The following PGLYRP1 variants were observed in gnomAD, a reference collection of about 807,000 sequenced individuals.
PGLYRP1 encodes the protein peptidoglycan recognition protein 1.
PGLYRP1 carries 18 observed loss-of-function variants against 16.3 expected under a neutral mutation model. The ratio of observed to expected loss-of-function variants is 1.11; its 90% confidence interval spans 0.77 to 1.64. The LOEUF (loss-of-function observed/expected upper bound fraction) is 1.64. PGLYRP1 is among the 40% of genes most tolerant of loss of function. The pLI is 0.00. For synonymous variants in PGLYRP1, 89 were observed against 105.7 expected, an observed-to-expected ratio of 0.84 and a Z score of 0.97; for missense variants, 261 against 268.6, an observed-to-expected ratio of 0.97 and a Z score of 0.20.
Position 46,019,389 on chromosome 19 carries a change from G to T in PGLYRP1, c.440C>A (p.Ala147Glu). 6.2e-7 allele frequency: 1 copy of T among 1,613,646 alleles called. No individual in the cohort carries two copies. Among genetic ancestry groups the T allele is most frequent in the South Asian group, 1.1e-5 (1 of 91,070 alleles). Residue 147 changes from alanine to glutamate, a missense_variant, in exon 3 of 3, where the codon GCA (alanine) becomes GAA (glutamate). Transcript: ENST00000008938. The surrounding 1 kb of genome is among the most constrained non-coding windows in gnomAD (Gnocchi z 4.8). ...ACCGCAGGCCAGTAGACCCTGGGCT[G>T]CCCGGATGGCCTGGGGTGTGGGCAC... ...DRVPTPQAIR[A>E]AQGLLACGVA...
At chr19:46,021,984 C>A (rs1446798339) in intron 1 of PGLYRP1, among the ~76,000 whole-genome samples, 1 of 152,214 alleles carries the variant, frequency 6.6e-6, no homozygotes, top group Non-Finnish European at 1.5e-5. Context: ...TTCCAAGGAG[C>A]CTGTGTGGGT....
At chr19:46,021,984 C>G (rs1446798339) in intron 1 of PGLYRP1, among the ~76,000 whole-genome samples, 1 of 152,214 alleles carries the variant, frequency 6.6e-6, no homozygotes, top group South Asian at 2.1e-4. Context: ...TTCCAAGGAG[C>G]CTGTGTGGGT....
In PGLYRP1 at chr19:46,022,911, G is replaced by T. The variant is rs201657564; in HGVS notation, c.111C>A (p.Asn37Lys). 1.5e-4 allele frequency: 240 copies of T among 1,612,404 alleles called. 1 individual carries two copies. In the East Asian group the frequency reaches 2.7e-3, roughly 18 times the overall value. The part of the protein sequence containing the change: ...PACCSPIVPR[N>K]EWKALASECA... ...ACTCTGATGCCAGGGCCTTCCACTC[G>T]TTCCGGGGCACTATGGGGCTGCAGC... is the stretch of plus-strand genomic sequence containing the variant. The change falls in exon 1 of 3, where the codon AAC (asparagine) becomes AAA (lysine). Residue 37 changes from asparagine (N) to lysine (K), a missense_variant. Transcript: ENST00000008938.
At position 46,020,105 on chromosome 19, in the gene PGLYRP1, C is replaced by CTTT. The variant is rs11477830; in HGVS notation, c.288-461_288-459dup. ...GCAGGACAGCCCTCTGAGGCAGAGACTTTTTTTTTTTTTTTTTTTTAAGAC... is the reference window on the plus strand; with the variant it reads ...GCAGGACAGCCCTCTGAGGCAGAGACTTTTTTTTTTTTTTTTTTTTTTTAAGAC... On this transcript the variant is annotated intron_variant, in intron 1 of 2. Coordinates refer to ENST00000008938, the MANE Select transcript of PGLYRP1 (RefSeq NM_005091.3). 6.3e-4 allele frequency among the ~76,000 whole-genome samples: 81 copies of CTTT among 127,790 alleles called. 2 individuals are homozygous for CTTT. Among genetic ancestry groups the CTTT allele is most frequent in the African/African-American group, 2.1e-3 (70 of 33,530 alleles). 83.8% of individuals were successfully genotyped at this position (127,790 alleles called of 152,430 possible).
At chr19:46,020,661 G>C (rs922561656) in intron 1 of PGLYRP1, among the ~76,000 whole-genome samples, 1 of 152,172 alleles carries the variant, frequency 6.6e-6, no homozygotes, top group South Asian at 2.1e-4. Context: ...GATCCTTAAG[G>C]CTGATTCATT....
chr19:46,021,336 T>G (rs1385185765), intron 1 of PGLYRP1: 1 of 152,260 alleles, frequency 6.6e-6, no homozygotes, highest in Non-Finnish European at 1.5e-5. Flanking sequence ...GGAATACCTT[T>G]GGACACTTCT....
intron 1 of PGLYRP1, among the ~76,000 whole-genome samples, chr19:46,022,186 T>G (rs773711934): frequency 2.0e-5 from 3 of 152,246 alleles, no homozygotes; most frequent in Non-Finnish European, 4.4e-5. Flanking sequence ...CTAATGGTAA[T>G]AGCCCGTGGC....
At chr19:46,021,627 CCGGCACCCCTTACAGT>C (rs2146497347) in intron 1 of PGLYRP1, among the ~76,000 whole-genome samples, 1 of 152,096 alleles carries the variant, frequency 6.6e-6, no homozygotes, top group African/African-American at 2.4e-5. Context: ...CCTGCTTCAG[CCGGCACCCCTTACAGT>C]CTGTTCTCCC....
chr19:46,019,908 A>G lies in PGLYRP1; in HGVS notation c.288-261T>C, dbSNP rs1235098259. On this transcript the variant is annotated intron_variant, in intron 1 of 2. Transcript: ENST00000008938. The surrounding 1 kb of genome is among the most constrained non-coding windows in gnomAD (Gnocchi z 4.8). ...TGTGAGTCACTATCACCCCCGTTTT[A>G]TATAGACAGAATCAGAGCGGTAGAA... Among the ~76,000 whole-genome samples the G allele has an allele frequency of 1.3e-5, 2 of 152,086 alleles. No individual in the cohort carries two copies. The highest frequency in any genetic ancestry group is 2.9e-5 in the Non-Finnish European group (2 of 68,008).
chr19:46,019,600 T>C lies in PGLYRP1; in HGVS notation c.335A>G (p.Asn112Ser). ...DGLVYEGRGWNFTGAHSGHLW... is the reference protein window; with the variant it reads ...DGLVYEGRGWSFTGAHSGHLW... ...GTGACCTGAGTGGGCACCCGTGAAGTTCCAGCCACGGCCCTCGTATACGAG... is the reference window on the plus strand; with the variant it reads ...GTGACCTGAGTGGGCACCCGTGAAGCTCCAGCCACGGCCCTCGTATACGAG... The change falls in exon 2 of 3, where the codon AAC becomes AGC. Residue 112 changes from asparagine to serine, a missense_variant. Transcript: ENST00000008938. This position sits in a 1 kb window ranked among gnomAD's most constrained non-coding sequence, Gnocchi z 4.8. 6.2e-7 allele frequency: 1 copy of C among 1,613,884 alleles called. No homozygotes were observed. The highest frequency in any genetic ancestry group is 8.5e-7 in the Non-Finnish European group (1 of 1,179,946).
intron 1 of PGLYRP1, among the ~76,000 whole-genome samples, chr19:46,020,130 C>T (rs1013505442): frequency 1.2e-4 from 16 of 136,670 alleles, no homozygotes; most frequent in South Asian, 6.9e-4. Flanking sequence ...TTTTTTAAGA[C>T]GGGGTTTCAC....
chr19:46,022,911 G>C lies in PGLYRP1; in HGVS notation c.111C>G (p.Asn37Lys). Reference protein sequence around the residue: ...PACCSPIVPRNEWKALASECA... With the variant: ...PACCSPIVPRKEWKALASECA... ...ACTCTGATGCCAGGGCCTTCCACTC[G>C]TTCCGGGGCACTATGGGGCTGCAGC... Residue 37 changes from asparagine (N) to lysine (K), a missense_variant, in exon 1 of 3, where the codon AAC (asparagine) becomes AAG (lysine). Asn to Lys is a moderately conservative substitution (Grantham distance 94). Coordinates refer to ENST00000008938, the MANE Select transcript of PGLYRP1 (RefSeq NM_005091.3). 2 of 1,612,406 alleles carry C rather than the reference G, an allele frequency of 1.2e-6. No homozygotes were observed. Among genetic ancestry groups the C allele is most frequent in the Non-Finnish European group, 1.7e-6 (2 of 1,179,312 alleles).
Position 46,019,284 on chromosome 19 carries a change from T to C in PGLYRP1, c.545A>G (p.Gln182Arg), listed in dbSNP as rs1969016830. 1 of 1,613,922 alleles carries C rather than the reference T, an allele frequency of 6.2e-7. No individual in the cohort carries two copies. Among genetic ancestry groups the C allele is most frequent in the Non-Finnish European group, 8.5e-7 (1 of 1,179,920 alleles). Residue 182 changes from glutamine (Q) to arginine (R), a missense_variant, in exon 3 of 3, where the codon CAG (glutamine) becomes CGG (arginine). Gln to Arg is a conservative substitution (Grantham distance 43). Transcript: ENST00000008938. The surrounding 1 kb of genome is among the most constrained non-coding windows in gnomAD (Gnocchi z 4.8). ...DVQRTLSPGN[Q>R]LYHLIQNWPH... ...CCAATTCTGGATGAGGTGGTAGAGC[T>C]GGTTGCCTGGAGAGAGTGTACGCTG...
Position 46,022,749 on chromosome 19 carries a change from G to A in PGLYRP1, c.273C>T (p.Cys91=), listed in dbSNP as rs1969058937. ...GCCACACTCACTTGTAGCCCACGTC[G>A]CACCAGCCCAGTGTCTTCATGTGGT... ...QHYHMKTLGW[C]DVGYNFLIGE... The change falls in exon 1 of 3, where the codon TGC becomes TGT. Residue 91 remains cysteine (C), a synonymous_variant. Coordinates refer to ENST00000008938, the MANE Select transcript of PGLYRP1 (RefSeq NM_005091.3). 6.2e-7 allele frequency: 1 copy of A among 1,614,112 alleles called. No homozygotes were observed. Among genetic ancestry groups the A allele is most frequent in the South Asian group, 1.1e-5 (1 of 91,074 alleles).
intron 1 of PGLYRP1, among the ~76,000 whole-genome samples, chr19:46,021,818 G>T (rs1004150668): frequency 6.6e-6 from 1 of 152,036 alleles, no homozygotes; most frequent in South Asian, 2.1e-4. Context: ...CCGCTCGCCC[G>T]GCTGTGTTCA....
At position 46,019,391 on chromosome 19, in the gene PGLYRP1, C is replaced by G. The variant is rs1016845844; in HGVS notation, c.438G>C (p.Arg146=). 6.2e-7 allele frequency: 1 copy of G among 1,613,414 alleles called. No individual in the cohort carries two copies. ...CGCAGGCCAGTAGACCCTGGGCTGCCCGGATGGCCTGGGGTGTGGGCACCC... is the reference window on the plus strand; with the variant it reads ...CGCAGGCCAGTAGACCCTGGGCTGCGCGGATGGCCTGGGGTGTGGGCACCC... ...MDRVPTPQAI[R]AAQGLLACGV... The change falls in exon 3 of 3, where the codon CGG becomes CGC. Residue 146 remains arginine (R), a synonymous_variant. Coordinates refer to ENST00000008938, the MANE Select transcript of PGLYRP1 (RefSeq NM_005091.3). The surrounding 1 kb of genome is among the most constrained non-coding windows in gnomAD (Gnocchi z 4.8).
At chr19:46,020,105 CTTT>C (rs11477830) in intron 1 of PGLYRP1, among the ~76,000 whole-genome samples, 5 of 127,778 alleles carry the variant, frequency 3.9e-5, no homozygotes, top group Non-Finnish European at 4.9e-5. Flanking sequence ...GAGGCAGAGA[CTTT>C]TTTTTTTTTT....
Position 46,019,253 on chromosome 19 carries a change from G to A in PGLYRP1, c.576C>T (p.His192=). Residue 192 remains histidine (H), a synonymous_variant, in exon 3 of 3, where the codon CAC becomes CAT. Coordinates refer to ENST00000008938, the MANE Select transcript of PGLYRP1 (RefSeq NM_005091.3). The surrounding 1 kb of genome is among the most constrained non-coding windows in gnomAD (Gnocchi z 4.8). Reference sequence around the variant, plus strand: ...CAGCAGGGCCTCAGGGGGAGCGGTAGTGTGGCCAATTCTGGATGAGGTGGT... The same window carrying A: ...CAGCAGGGCCTCAGGGGGAGCGGTAATGTGGCCAATTCTGGATGAGGTGGT... ...QLYHLIQNWP[H]YRSP 6.2e-7 allele frequency: 1 copy of A among 1,613,906 alleles called. No homozygotes were observed. Among genetic ancestry groups the A allele is most frequent in the South Asian group, 1.1e-5 (1 of 91,082 alleles).
intron 1 of PGLYRP1, among the ~76,000 whole-genome samples, chr19:46,021,582 G>A (rs903972644): frequency 2.6e-5 from 4 of 152,162 alleles, no homozygotes; most frequent in African/African-American, 7.2e-5. Context: ...CTAAGGAGGA[G>A]GTAGCTGGTA....
Sources: allele counts gnomAD v4.1 joint callset (sites outside exome capture counted in the v4.1 genomes callset), GRCh38; gene constraint gnomAD v4.1.1; non-coding constraint Gnocchi (gnomAD v3.1); transcripts MANE v1.5; gene names NCBI Gene and HGNC (gene_info 2026-07-23, HGNC 2026-07-21).